Variants in ZFYVE9 observed in about 807,000 individuals in gnomAD.
The protein encoded by ZFYVE9 is zinc finger FYVE-type containing 9.
In ZFYVE9, 43 loss-of-function variants were observed where a neutral mutation model predicts 126.7. That is an observed-to-expected ratio of 0.34 (90% CI 0.27 to 0.44). ZFYVE9 has a LOEUF of 0.44. Among genes scored for constraint, ZFYVE9 ranks in the 20% least tolerant of loss-of-function variants. The pLI, the probability that ZFYVE9 is intolerant of heterozygous loss-of-function variation, is 1.00. For synonymous variants in ZFYVE9, 521 were observed against 597.4 expected, an observed-to-expected ratio of 0.87 and a Z score of 1.87; for missense variants, 1,476 against 1,697.0, an observed-to-expected ratio of 0.87 and a Z score of 2.29.
intron 12 of ZFYVE9, among the ~76,000 whole-genome samples, chr1:52,298,628 C>T (rs1569703865): frequency 6.6e-6 from 1 of 150,978 alleles, no homozygotes; most frequent in African/African-American, 2.4e-5. Context: ...CATTTGAGGC[C>T]TTTTGTGGTT....
chr1:52,325,757 A>T (rs1046306078), intron 13 of ZFYVE9, among the ~76,000 whole-genome samples: 4 of 152,208 alleles, frequency 2.6e-5, no homozygotes, highest in African/African-American at 9.7e-5. Flanking sequence ...AGCCTAACAC[A>T]TATACAAATT....
At chr1:52,178,102 A>G (rs1644657052) in intron 1 of ZFYVE9, among the ~76,000 whole-genome samples, 1 of 151,434 alleles carries the variant, frequency 6.6e-6, no homozygotes, top group Admixed American at 6.6e-5. Context: ...ACAAGGTGAA[A>G]CCCCATCTCT....
chr1:52,266,287 C>T (rs573963075), intron 5 of ZFYVE9, among the ~76,000 whole-genome samples: 128 of 151,090 alleles, frequency 8.5e-4, no homozygotes, highest in African/African-American at 2.9e-3. Flanking sequence ...TTAGTAGAGA[C>T]GGGGTTTCAC....
chr1:52,213,595 T>C (rs2124590147), intron 1 of ZFYVE9, among the ~76,000 whole-genome samples: 1 of 152,010 alleles, frequency 6.6e-6, no homozygotes, highest in South Asian at 2.1e-4. Flanking sequence ...GAGGTTGCAG[T>C]GAGCCGAGAT....
chr1:52,268,579 G>A lies in ZFYVE9; in HGVS notation c.2572G>A (p.Ala858Thr). 1 of 1,614,128 alleles carries A rather than the reference G, an allele frequency of 6.2e-7. No individual in the cohort carries two copies. The highest frequency in any genetic ancestry group is 8.5e-7 in the Non-Finnish European group (1 of 1,180,010). The change falls in exon 7 of 19, where the codon GCT becomes ACT. Residue 858 changes from alanine (A) to threonine (T), a missense_variant. Coordinates refer to ENST00000287727, the MANE Select transcript of ZFYVE9 (RefSeq NM_004799.4). ...MNGTSSAGTL[A>T]VSHDPVKPVT... is the part of the protein sequence containing the mutation. ...TGGAACTTCCTCTGCAGGAACCCTG[G>A]CTGTGTCACACGACCCAGTCAAGCC...
intron 4 of ZFYVE9, among the ~76,000 whole-genome samples, chr1:52,240,201 C>G (rs1645319854): frequency 6.6e-6 from 1 of 152,102 alleles, no homozygotes; most frequent in Non-Finnish European, 1.5e-5. Flanking sequence ...TATTCCTTAG[C>G]TCTCCCCAAA....
intron 4 of ZFYVE9, among the ~76,000 whole-genome samples, chr1:52,255,981 T>TTCCTTCCTTCCTTCC (rs1645512686): frequency 8.6e-6 from 1 of 115,644 alleles, no homozygotes; most frequent in African/African-American, 3.7e-5. Context: ...TCTTTCTTTC[T>TTCCTTCCTTCCTTCC]TTCCTTCCTT....
intron 2 of ZFYVE9, among the ~76,000 whole-genome samples, chr1:52,219,803 G>GTGTGTGTGTGTGTGTGTGTGTGTGT (rs1557463701): frequency 7.3e-6 from 1 of 137,202 alleles, no homozygotes; most frequent in African/African-American, 2.8e-5. Context: ...GTGTGTGTGT[G>GTGTGTGTGTGTGTGTGTGTGTGTGT]GCAGAGTCTT....
intron 13 of ZFYVE9, among the ~76,000 whole-genome samples, chr1:52,322,859 C>T (rs985596095): frequency 4.6e-5 from 7 of 152,102 alleles, no homozygotes; most frequent in African/African-American, 1.7e-4. Flanking sequence ...GGCTGGAGTG[C>T]AGTGGCGCGA....
At chr1:52,223,554 A>G (rs1645143719) in intron 2 of ZFYVE9, among the ~76,000 whole-genome samples, 2 of 152,064 alleles carry the variant, frequency 1.3e-5, no homozygotes. Flanking sequence ...CTGGCCAACT[A>G]TTGGTGACAA....
intron 1 of ZFYVE9, chr1:52,162,300 G>A (rs928850817): frequency 2.8e-5 from 11 of 390,090 alleles, no homozygotes; most frequent in Admixed American, 8.1e-5. Context: ...TCATATCCAC[G>A]ATGATATCCT....
chr1:52,175,871 A>G (rs575223795), intron 1 of ZFYVE9, among the ~76,000 whole-genome samples: 30 of 151,994 alleles, frequency 2.0e-4, no homozygotes, highest in African/African-American at 6.8e-4. Context: ...ACTTCTCTGT[A>G]TTGGTTATTC....
rs150873853 is a variant in ZFYVE9 at position 52,238,372 on chromosome 1, A to T, written c.955A>T (p.Met319Leu). Residue 319 changes from methionine (M) to leucine (L), a missense_variant, in exon 4 of 19, where the codon ATG (methionine) becomes TTG (leucine). Met to Leu is a conservative substitution (Grantham distance 15). Coordinates refer to ENST00000287727, the MANE Select transcript of ZFYVE9 (RefSeq NM_004799.4). ...TTCCCACATGAGTGAGGGGATTTTG[A>T]TGAAAAAAGAGCCAGCAGAGGAGAG... ...SFSHMSEGIL[M>L]KKEPAEESTT... The T allele has an allele frequency of 1.2e-6, 2 of 1,613,866 alleles. No individual in the cohort carries two copies. The highest frequency in any genetic ancestry group is 8.5e-7 in the Non-Finnish European group (1 of 1,179,968).
At chr1:52,143,194 T>C (rs1644277514) in intron 1 of ZFYVE9, among the ~76,000 whole-genome samples, 1 of 152,194 alleles carries the variant, frequency 6.6e-6, no homozygotes, top group South Asian at 2.1e-4. Context: ...AATGTTCCAC[T>C]TAAAGAGATC....
intron 1 of ZFYVE9, among the ~76,000 whole-genome samples, chr1:52,173,154 T>C (rs1268431776): frequency 6.6e-6 from 1 of 152,210 alleles, no homozygotes; most frequent in Non-Finnish European, 1.5e-5. Flanking sequence ...TAGATAGCTC[T>C]TATTATTTTG....
In ZFYVE9 at chr1:52,293,683, T is replaced by C; in HGVS notation, c.3250+6T>C. 1 of 1,612,334 alleles carries C rather than the reference T, an allele frequency of 6.2e-7. No homozygotes were observed. Among genetic ancestry groups the C allele is most frequent in the Non-Finnish European group, 8.5e-7 (1 of 1,178,728 alleles). ...ACTTGGAGCTGAATATCGACGTAAG[T>C]AGTAAAAACACGTTTTTCAAGGCAT... On this transcript the variant is annotated splice_donor_region_variant and intron_variant, in intron 11 of 18. Coordinates refer to ENST00000287727, the MANE Select transcript of ZFYVE9 (RefSeq NM_004799.4).
In ZFYVE9 at chr1:52,239,138, T is replaced by C; in HGVS notation, c.1721T>C (p.Val574Ala). 6.2e-7 allele frequency: 1 copy of C among 1,614,144 alleles called. No individual in the cohort carries two copies. Among genetic ancestry groups the C allele is most frequent in the Non-Finnish European group, 8.5e-7 (1 of 1,180,006 alleles). The change falls in exon 4 of 19, where the codon GTT becomes GCT. Residue 574 changes from valine (V) to alanine (A), a missense_variant. By Grantham distance (64) the Val-to-Ala change is moderately conservative. Coordinates refer to ENST00000287727, the MANE Select transcript of ZFYVE9 (RefSeq NM_004799.4). ...KVVASLPSIS[V>A]PFGGARPKQP... ...GTAGCAAGCCTGCCATCTATCAGTG[T>C]TCCTTTTGGTGGTGCAAGACCCAAG... is the stretch of plus-strand genomic sequence containing the variant.
intron 1 of ZFYVE9, among the ~76,000 whole-genome samples, chr1:52,199,127 G>A (rs753153636): frequency 1.3e-5 from 2 of 150,872 alleles, no homozygotes; most frequent in South Asian, 2.1e-4. Flanking sequence ...GTGCTGTGGC[G>A]CGATCTCGAC....
chr1:52,277,494 G>T (rs958211316), intron 8 of ZFYVE9, among the ~76,000 whole-genome samples: 1 of 151,920 alleles, frequency 6.6e-6, no homozygotes, highest in Non-Finnish European at 1.5e-5. Context: ...TTATTCCAGT[G>T]GGATGACTTT....
Sources: allele counts gnomAD v4.1 joint callset (sites outside exome capture counted in the v4.1 genomes callset), GRCh38; gene constraint gnomAD v4.1.1; transcripts MANE v1.5; gene names NCBI Gene and HGNC (gene_info 2026-07-23, HGNC 2026-07-21).